Variants in GABRB1 observed in about 807,000 individuals in gnomAD.
The protein encoded by GABRB1 is gamma-aminobutyric acid type A receptor subunit beta1.
A neutral mutation model predicts 51.6 loss-of-function variants in GABRB1; 17 were observed. The ratio of observed to expected loss-of-function variants is 0.33; its 90% CI spans 0.23 to 0.49. The LOEUF is 0.49. GABRB1 is among the 20% of genes least tolerant of loss of function. GABRB1 has a pLI of 0.99. For synonymous variants in GABRB1, 247 were observed against 218.9 expected, an observed-to-expected ratio of 1.13 and a Z score of -1.14; for missense variants, 410 against 600.6, an observed-to-expected ratio of 0.68 and a Z score of 3.32.
At chr4:47,145,440 G>T (rs766236193) in intron 3 of GABRB1, among the ~76,000 whole-genome samples, 1 of 151,906 alleles carries the variant, frequency 6.6e-6, no homozygotes, top group Non-Finnish European at 1.5e-5. Context: ...TGAAAATTGG[G>T]GCTTATGATT....
At chr4:47,094,156 C>A (rs960285827) in intron 3 of GABRB1, among the ~76,000 whole-genome samples, 4 of 150,558 alleles carry the variant, frequency 2.7e-5, no homozygotes, top group Admixed American at 2.0e-4. Flanking sequence ...CGGTAGGGAA[C>A]AAAAGTTTTT....
chr4:47,074,550 C>T (rs1212386436), intron 3 of GABRB1, among the ~76,000 whole-genome samples: 1 of 152,096 alleles, frequency 6.6e-6, no homozygotes, highest in African/African-American at 2.4e-5. Flanking sequence ...GAAAATACAT[C>T]ATGGATATAA....
chr4:47,415,584 G>A (rs1000508673), intron 8 of GABRB1, among the ~76,000 whole-genome samples: 1 of 152,122 alleles, frequency 6.6e-6, no homozygotes, highest in Non-Finnish European at 1.5e-5. Flanking sequence ...TGGATCACAT[G>A]CATGTCCCTG....
intron 3 of GABRB1, among the ~76,000 whole-genome samples, chr4:47,115,927 T>C (rs539530867): frequency 6.6e-6 from 1 of 152,324 alleles, no homozygotes; most frequent in East Asian, 1.9e-4. Flanking sequence ...ATTTTTTAAA[T>C]TTTATTTTAC....
intron 3 of GABRB1, among the ~76,000 whole-genome samples, chr4:47,053,518 C>T (rs1023098519): frequency 6.6e-6 from 1 of 152,182 alleles, no homozygotes; most frequent in African/African-American, 2.4e-5. Context: ...CCCCAAATCC[C>T]CACCTTCTAA....
At chr4:47,261,455 G>A (rs1426404865) in intron 4 of GABRB1, among the ~76,000 whole-genome samples, 4 of 152,016 alleles carry the variant, frequency 2.6e-5, no homozygotes, top group African/African-American at 9.7e-5. Flanking sequence ...GCTTCAAAGA[G>A]AATAAAATAC....
At chr4:47,369,408 C>T (rs898743061) in intron 5 of GABRB1, among the ~76,000 whole-genome samples, 5 of 148,522 alleles carry the variant, frequency 3.4e-5, no homozygotes, top group Non-Finnish European at 5.9e-5. Context: ...CAATAATTAC[C>T]TCTTCACTTT....
Position 47,155,955 on chromosome 4 carries a change from T to G in GABRB1, c.241-5294T>G, listed in dbSNP as rs570678510. Among the ~76,000 whole-genome samples the G allele has an allele frequency of 1.6e-3, 61 of 39,298 alleles. 4 individuals carry two copies. The highest frequency in any genetic ancestry group is 3.9e-3 in the African/African-American group (61 of 15,548). The allele number at this position is 39,298 out of a possible 152,430, so 25.8% of individuals were successfully genotyped here. On this transcript the variant is annotated intron_variant, in intron 3 of 8. Transcript: ENST00000295454. ...TATATATATATATATATGAAACCAC[T>G]TTTTCTTTATTCATCCATTGATAGG...
chr4:47,295,822 T>G (rs1723966497), intron 4 of GABRB1, among the ~76,000 whole-genome samples: 1 of 151,992 alleles, frequency 6.6e-6, no homozygotes, highest in Admixed American at 6.6e-5. Flanking sequence ...TCACCAAAGT[T>G]GAAATGAAGG....
chr4:47,299,070 C>CAAAATTTA (rs1351643493), intron 4 of GABRB1, among the ~76,000 whole-genome samples: 4 of 151,068 alleles, frequency 2.6e-5, no homozygotes, highest in Non-Finnish European at 4.4e-5. Flanking sequence ...CTTCCTTACA[C>CAAAATTTA]CTTATACAAA....
intron 4 of GABRB1, among the ~76,000 whole-genome samples, chr4:47,185,338 A>C (rs1028307403): frequency 6.6e-6 from 1 of 151,858 alleles, no homozygotes; most frequent in Non-Finnish European, 1.5e-5. Context: ...TCCTTCTCTT[A>C]GTCCTTTTCC....
At chr4:47,036,671 G>A (rs1725583858) in intron 3 of GABRB1, among the ~76,000 whole-genome samples, 1 of 152,088 alleles carries the variant, frequency 6.6e-6, no homozygotes, top group Non-Finnish European at 1.5e-5. Context: ...AGACTAGCCT[G>A]GCCAACATGG....
intron 3 of GABRB1, among the ~76,000 whole-genome samples, chr4:47,079,409 T>C (rs1286017030): frequency 1.3e-5 from 2 of 152,204 alleles, no homozygotes; most frequent in East Asian, 3.8e-4. Context: ...TAGAGGTGTT[T>C]ATAGTATTCT....
intron 3 of GABRB1, among the ~76,000 whole-genome samples, chr4:47,090,842 T>C (rs1202456844): frequency 6.6e-6 from 1 of 152,156 alleles, no homozygotes. Context: ...GATAGCTTTT[T>C]TCTACCTAGC....
intron 3 of GABRB1, among the ~76,000 whole-genome samples, chr4:47,053,855 T>G (rs910407132): frequency 2.0e-5 from 3 of 152,318 alleles, no homozygotes; most frequent in African/African-American, 7.2e-5. Flanking sequence ...ACAGCTAAAA[T>G]GACTGGCCTG....
At chr4:47,417,602 C>T (rs911066603) in intron 8 of GABRB1, among the ~76,000 whole-genome samples, 11 of 152,170 alleles carry the variant, frequency 7.2e-5, no homozygotes, top group Admixed American at 5.2e-4. Context: ...TGTGTGTTCT[C>T]TACAAGGGAA....
intron 4 of GABRB1, among the ~76,000 whole-genome samples, chr4:47,254,604 CTT>C (rs1207393465): frequency 6.6e-6 from 1 of 151,728 alleles, no homozygotes; most frequent in African/African-American, 2.4e-5. Flanking sequence ...GATCTCCTGA[CTT>C]TGTGATCCGT....
intron 5 of GABRB1, among the ~76,000 whole-genome samples, chr4:47,328,728 G>A (rs890137930): frequency 6.6e-6 from 1 of 151,994 alleles, no homozygotes; most frequent in Non-Finnish European, 1.5e-5. Flanking sequence ...GAGAACACAT[G>A]GACACAGGAA....
At position 47,183,049 on chromosome 4, in the gene GABRB1, T is replaced by A. The variant is rs1010658229; in HGVS notation, c.461+21580T>A. Among the ~76,000 whole-genome samples, 5 of 151,986 alleles carry A rather than the reference T, an allele frequency of 3.3e-5. No homozygotes were observed. The South Asian group carries it at 1.0e-3, about 32-fold the overall frequency. On this transcript the variant is annotated intron_variant, in intron 4 of 8. Transcript: ENST00000295454. ...AGTAGACCAATGTTACTGTTACTGGTAGGTATATTAACTTATTTGTCAAAG... is the reference window on the plus strand; with the variant it reads ...AGTAGACCAATGTTACTGTTACTGGAAGGTATATTAACTTATTTGTCAAAG...
Sources: gnomAD v4.1 joint callset for allele counts (sites outside exome capture counted in the v4.1 genomes callset) on GRCh38, gnomAD v4.1.1 for gene constraint, MANE v1.5 for transcripts, NCBI Gene and HGNC (gene_info 2026-07-23, HGNC 2026-07-21) for gene names.